Variants in ST6GALNAC3 observed in about 807,000 individuals in gnomAD.
ST6GALNAC3 encodes alpha-N-acetylgalactosaminide alpha-2,6-sialyltransferase 3.
ST6GALNAC3 carries 25 observed loss-of-function variants against 32.7 expected under a neutral mutation model. The ratio of observed to expected loss-of-function variants is 0.76; its 90% confidence interval spans 0.56 to 1.07. The LOEUF (loss-of-function observed/expected upper bound fraction) is 1.07, where lower values mean the gene tolerates loss of function less well. Ranked by LOEUF, ST6GALNAC3 falls within the 50% of genes least tolerant of loss-of-function variation. The probability of loss-of-function intolerance (pLI) is 0.00; values close to 1 mark genes in which losing one functional copy is unlikely to be tolerated. For synonymous variants in ST6GALNAC3, 129 were observed against 133.1 expected (o/e 0.97, Z 0.21); for missense variants, 355 against 382.4 (o/e 0.93, Z 0.60).
chr1:76,496,989 TTTGGTATTCA>T (rs1224096437), intron 3 of ST6GALNAC3, among the ~76,000 whole-genome samples: 1 of 152,160 alleles, frequency 6.6e-6, no homozygotes, highest in African/African-American at 2.4e-5. Context: ...AGTTGAAAAT[TTTGGTATTCA>T]TTCTTCTATT....
At chr1:76,571,057 T>C (rs1665831227) in intron 3 of ST6GALNAC3, among the ~76,000 whole-genome samples, 1 of 152,104 alleles carries the variant, frequency 6.6e-6, no homozygotes, top group African/African-American at 2.4e-5. Flanking sequence ...ATGTTGCTAA[T>C]GGATGAGGCT....
chr1:76,594,377 G>A (rs1647098930), intron 3 of ST6GALNAC3, among the ~76,000 whole-genome samples: 1 of 152,110 alleles, frequency 6.6e-6, no homozygotes, highest in Non-Finnish European at 1.5e-5. Flanking sequence ...GTTATAGCCT[G>A]CTCTTAGAAA....
chr1:76,416,604 C>T (rs1378006998), intron 3 of ST6GALNAC3, among the ~76,000 whole-genome samples: 1 of 147,370 alleles, frequency 6.8e-6, no homozygotes, highest in Non-Finnish European at 1.5e-5. Flanking sequence ...CATCTTTTCA[C>T]TTTTCCAAGT....
intron 2 of ST6GALNAC3, among the ~76,000 whole-genome samples, chr1:76,368,781 A>G (rs759570639): frequency 9.2e-5 from 14 of 152,208 alleles, no homozygotes; most frequent in Non-Finnish European, 1.3e-4. Flanking sequence ...TCACATTGTA[A>G]CAAAGCAAAG....
intron 3 of ST6GALNAC3, among the ~76,000 whole-genome samples, chr1:76,519,443 C>G (rs1557519774): frequency 6.6e-6 from 1 of 152,134 alleles, no homozygotes; most frequent in African/African-American, 2.4e-5. Flanking sequence ...CTGTCCAAAA[C>G]ACAGCCACCT....
intron 1 of ST6GALNAC3, among the ~76,000 whole-genome samples, chr1:76,196,527 G>A (rs139588287): frequency 0.028 from 4,200 of 151,336 alleles, 109 homozygotes; most frequent in African/African-American, 0.073. Context: ...GTGCAATGGC[G>A]CGATCTCGGC....
chr1:76,327,208 T>C (rs1570838092), intron 2 of ST6GALNAC3, among the ~76,000 whole-genome samples: 1 of 152,230 alleles, frequency 6.6e-6, no homozygotes, highest in South Asian at 2.1e-4. Context: ...TTCTTTTTTT[T>C]CATAGTGTGT....
chr1:76,597,256 A>G (rs1399530847), intron 3 of ST6GALNAC3, among the ~76,000 whole-genome samples: 1 of 152,146 alleles, frequency 6.6e-6, no homozygotes, highest in African/African-American at 2.4e-5. Flanking sequence ...TTATTTACTC[A>G]GTAAATATAT....
At chr1:76,453,591 G>C (rs1657560177) in intron 3 of ST6GALNAC3, among the ~76,000 whole-genome samples, 1 of 152,018 alleles carries the variant, frequency 6.6e-6, no homozygotes, top group South Asian at 2.1e-4. Context: ...TGGTTCTGAG[G>C]GTTCCTTTTC....
intron 1 of ST6GALNAC3, among the ~76,000 whole-genome samples, chr1:76,312,673 C>A (rs1183681792): frequency 6.6e-6 from 1 of 152,154 alleles, no homozygotes; most frequent in Non-Finnish European, 1.5e-5. Flanking sequence ...ATGTGGCCAA[C>A]TGTCCCCTTT....
intron 1 of ST6GALNAC3, among the ~76,000 whole-genome samples, chr1:76,151,906 G>T (rs1651069088): frequency 6.6e-6 from 1 of 152,222 alleles, no homozygotes; most frequent in African/African-American, 2.4e-5. Flanking sequence ...CTGTGGAGAA[G>T]CCGGTTCTTG....
chr1:76,121,947 G>C (rs934026504), intron 1 of ST6GALNAC3, among the ~76,000 whole-genome samples: 5 of 152,152 alleles, frequency 3.3e-5, no homozygotes, highest in Non-Finnish European at 5.9e-5. Context: ...TGCCTGGAAT[G>C]TTCTTCCCTT....
At chr1:76,263,284 C>T (rs182132716) in intron 1 of ST6GALNAC3, among the ~76,000 whole-genome samples, 73 of 152,212 alleles carry the variant, frequency 4.8e-4, no homozygotes, top group Admixed American at 2.6e-3. Context: ...AATGGGCCCA[C>T]GCATGCAAAG....
rs541684229 is a variant in ST6GALNAC3, at chr1:76,462,955, C to T, written c.623+50538C>T. Among the ~76,000 whole-genome samples the T allele has an allele frequency of 5.9e-5, 9 of 152,240 alleles. No individual in the cohort carries two copies. The East Asian group carries it at 1.4e-3, about 23-fold the overall frequency. On this transcript the variant is annotated intron_variant, in intron 3 of 4. Transcript: ENST00000328299. The stretch of plus-strand genomic sequence containing the variant: ...TTCCTTATTGTTGGAAAAACACTGT[C>T]CTAAATGACGTCCCAGTGTGTGACT...
At chr1:76,464,811 A>T (rs570265936) in intron 3 of ST6GALNAC3, among the ~76,000 whole-genome samples, 1 of 152,304 alleles carries the variant, frequency 6.6e-6, no homozygotes, top group African/African-American at 2.4e-5. Flanking sequence ...AAAAGAATGT[A>T]GGTGACTTTC....
intron 1 of ST6GALNAC3, among the ~76,000 whole-genome samples, chr1:76,102,859 G>T (rs1195655889): frequency 6.6e-6 from 1 of 151,910 alleles, no homozygotes; most frequent in Admixed American, 6.6e-5. Context: ...TTTGCCTGAA[G>T]AACATCATTC....
At chr1:76,340,160 A>C (rs2100988177) in intron 2 of ST6GALNAC3, among the ~76,000 whole-genome samples, 1 of 152,322 alleles carries the variant, frequency 6.6e-6, no homozygotes, top group Non-Finnish European at 1.5e-5. Flanking sequence ...TCATCATTGC[A>C]TGGTCCCTCG....
At chr1:76,409,674 T>G (rs952365403) in intron 2 of ST6GALNAC3, among the ~76,000 whole-genome samples, 3 of 152,100 alleles carry the variant, frequency 2.0e-5, no homozygotes, top group Non-Finnish European at 4.4e-5. Context: ...GATTTTTGAT[T>G]AATGGTTTCT....
At chr1:76,507,946 C>T (rs1284157649) in intron 3 of ST6GALNAC3, among the ~76,000 whole-genome samples, 1 of 152,314 alleles carries the variant, frequency 6.6e-6, no homozygotes, top group Admixed American at 6.5e-5. Context: ...TTTGCTATTA[C>T]TTGTCTTTTT....
Sources: gnomAD v4.1 joint callset for allele counts (sites outside exome capture counted in the v4.1 genomes callset) on GRCh38, gnomAD v4.1.1 for gene constraint, MANE v1.5 for transcripts, NCBI Gene and HGNC (gene_info 2026-07-23, HGNC 2026-07-21) for gene names.